DLG5: variants seen among roughly 807,000 people sequenced by gnomAD.
DLG5 encodes the protein discs large MAGUK scaffold protein 5, also known as disks large homolog 5.
DLG5 carries 48 observed loss-of-function variants against 189.8 expected under a neutral mutation model. The observed-to-expected ratio is 0.25, with a 90% CI of 0.20 to 0.32. The LOEUF (loss-of-function observed/expected upper bound fraction) is 0.32. Ranked by LOEUF, DLG5 falls within the 10% of genes least tolerant of loss-of-function variation. The pLI is 1.00. For synonymous variants in DLG5, 1,016 were observed against 1,054.1 expected, an observed-to-expected ratio of 0.96 and a Z score of 0.70; for missense variants, 2,160 against 2,544.7, an observed-to-expected ratio of 0.85 and a Z score of 3.25.
intron 1 of DLG5, among the ~76,000 whole-genome samples, chr10:77,917,084 G>A (rs964462297): frequency 2.6e-5 from 4 of 151,666 alleles, no homozygotes; most frequent in Admixed American, 6.6e-5. Context: ...TCCTAGAAAC[G>A]GACAACTTGA....
chr10:77,881,961 A>C (rs573626906), intron 1 of DLG5, among the ~76,000 whole-genome samples: 1 of 152,358 alleles, frequency 6.6e-6, no homozygotes, highest in East Asian at 1.9e-4. Context: ...CTAAGACATC[A>C]GCAAACGGGT....
chr10:77,794,826 A>G, intron 30 of DLG5, 23 bp downstream of exon 30: 1 of 1,592,806 alleles, frequency 6.3e-7, no homozygotes, highest in Admixed American at 1.7e-5. Flanking sequence ...GCCCCAGCGG[A>G]GCCCAGGGGG....
At chr10:77,886,380 G>A (rs2154577531) in intron 1 of DLG5, among the ~76,000 whole-genome samples, 2 of 102,006 alleles carry the variant, frequency 2.0e-5, no homozygotes, top group East Asian at 3.0e-4. Flanking sequence ...GAGTAGTAAT[G>A]TTGCTTTTTT....
chr10:77,813,840 G>A (rs1454022987), intron 20 of DLG5, among the ~76,000 whole-genome samples: 6 of 152,148 alleles, frequency 3.9e-5, no homozygotes, highest in Non-Finnish European at 5.9e-5. Flanking sequence ...AGGCCCGATC[G>A]GCATCATTTC....
At chr10:77,896,609 G>C (rs1845766265) in intron 1 of DLG5, among the ~76,000 whole-genome samples, 2 of 148,408 alleles carry the variant, frequency 1.3e-5, no homozygotes, top group South Asian at 2.2e-4. Context: ...GGGAGGCCAA[G>C]GGGGGGTGGA....
At chr10:77,932,590 G>C in the DLG5 span, among the ~76,000 whole-genome samples, 2 of 152,166 alleles carry the variant, frequency 1.3e-5, no homozygotes, top group Non-Finnish European at 2.9e-5. Context: ...GAGCCCAGAA[G>C]TTTGAGACCA....
chr10:77,821,288 G>T lies in DLG5; in HGVS notation c.3196C>A (p.Pro1066Thr). The T allele has an allele frequency of 6.2e-7, 1 of 1,613,698 alleles. No homozygotes were observed. ...GCAATGCGGACCCTGGCCTTGCGAG[G>T]GGGTGATGCGTGCATGGGCTCCCCG... ...DPGEPMHASP[P>T]RKARVRIASS... is the part of the protein sequence containing the mutation. The change falls in exon 15 of 32, where the codon CCT (proline) becomes ACT (threonine). Residue 1066 changes from proline (P) to threonine (T), a missense_variant. Physicochemically the swap from Pro to Thr is conservative, Grantham distance 38. Coordinates refer to ENST00000372391, the MANE Select transcript of DLG5 (RefSeq NM_004747.4).
At chr10:77,838,130 A>G (rs1270912) in intron 7 of DLG5, among the ~76,000 whole-genome samples, 110,972 of 152,134 alleles carry the variant, frequency 0.73, 41,186 homozygotes, top group African/African-American at 0.87. Context: ...TGTCCAGTCT[A>G]TCCACCACAG....
intron 7 of DLG5, among the ~76,000 whole-genome samples, chr10:77,840,202 A>T (rs1361633132): frequency 6.7e-6 from 1 of 149,368 alleles, no homozygotes; most frequent in Non-Finnish European, 1.5e-5. Context: ...ACATAGTGAG[A>T]CCGCATCACT....
chr10:77,887,647 AC>A (rs1845478079), intron 1 of DLG5, among the ~76,000 whole-genome samples: 1 of 152,216 alleles, frequency 6.6e-6, no homozygotes, highest in Non-Finnish European at 1.5e-5. Context: ...ATAAAAACAA[AC>A]AAAAAAAATA....
chr10:77,841,911 C>A lies in DLG5; in HGVS notation c.1407G>T (p.Ala469=), dbSNP rs138228867. ...KLKSSTSEKK[A]ANEEMEALRQ... is the part of the protein sequence containing the mutation. Reference sequence around the variant, plus strand: ...GCAGCGCCTCCATCTCCTCATTGGCCGCCTTCTTCTCAGATGTGCTGCTCT... The same window carrying A: ...GCAGCGCCTCCATCTCCTCATTGGCAGCCTTCTTCTCAGATGTGCTGCTCT... Residue 469 remains alanine (A), a synonymous_variant, in exon 7 of 32, where the codon GCG becomes GCT. Coordinates refer to ENST00000372391, the MANE Select transcript of DLG5 (RefSeq NM_004747.4). The A allele has an allele frequency of 6.2e-7, 1 of 1,610,680 alleles. No individual in the cohort carries two copies.
intron 27 of DLG5, among the ~76,000 whole-genome samples, chr10:77,804,023 TG>T (rs1296803862): frequency 6.6e-6 from 1 of 151,916 alleles, no homozygotes; most frequent in African/African-American, 2.4e-5. Flanking sequence ...CTTCGGTAGC[TG>T]GAACTACAGG....
At chr10:77,917,291 G>A (rs547397252) in intron 1 of DLG5, among the ~76,000 whole-genome samples, 2 of 151,784 alleles carry the variant, frequency 1.3e-5, no homozygotes, top group South Asian at 2.1e-4. Flanking sequence ...GCAGTGAGCC[G>A]AGATCGCGCC....
chr10:77,922,929 T>C (rs564796340), intron 1 of DLG5, among the ~76,000 whole-genome samples: 1 of 152,318 alleles, frequency 6.6e-6, no homozygotes, highest in Non-Finnish European at 1.5e-5. Context: ...TTGGGTTTGC[T>C]CACCTGCCCA....
At chr10:77,883,691 C>CTTTTTT (rs36028891) in intron 1 of DLG5, among the ~76,000 whole-genome samples, 32 of 96,452 alleles carry the variant, frequency 3.3e-4, no homozygotes, top group Non-Finnish European at 4.7e-4. Context: ...TAACATTGTT[C>CTTTTTT]TTTTTTTTTT....
chr10:77,889,390 T>G (rs1845542214), intron 1 of DLG5: 1 of 152,058 alleles, frequency 6.6e-6, no homozygotes, highest in Non-Finnish European at 1.5e-5. Flanking sequence ...CTGCCCTGGG[T>G]GCAGCCTTCC....
Position 77,811,911 on chromosome 10 carries a change from G to A in DLG5, c.4322+13C>T. The A allele has an allele frequency of 6.2e-7, 1 of 1,601,200 alleles. No individual in the cohort carries two copies. The highest frequency in any genetic ancestry group is 8.5e-7 in the Non-Finnish European group (1 of 1,179,018). On this transcript the variant is annotated intron_variant, in intron 22 of 31. Coordinates refer to ENST00000372391, the MANE Select transcript of DLG5 (RefSeq NM_004747.4). ...ACCCCCAGCCCAGACGGCCCTGGGA[G>A]GCCCGCACTCACCTGGACCGGGAGT... is the stretch of plus-strand genomic sequence containing the variant.
At chr10:77,904,531 T>C (rs1156912004) in intron 1 of DLG5, among the ~76,000 whole-genome samples, 1 of 152,118 alleles carries the variant, frequency 6.6e-6, no homozygotes, top group East Asian at 1.9e-4. Context: ...TTCTCACGTG[T>C]TGTGGGAGGG....
intron 1 of DLG5, among the ~76,000 whole-genome samples, chr10:77,890,921 C>T (rs1429774055): frequency 1.3e-5 from 2 of 152,146 alleles, no homozygotes; most frequent in Admixed American, 6.5e-5. Context: ...TCCACACCCT[C>T]CCAGGGCTCC....
Sources: allele counts gnomAD v4.1 joint callset (sites outside exome capture counted in the v4.1 genomes callset), GRCh38; gene constraint gnomAD v4.1.1; transcripts MANE v1.5; gene names NCBI Gene and HGNC (gene_info 2026-07-23, HGNC 2026-07-21).